Variants in KLF15 observed in about 807,000 individuals in gnomAD.
KLF15 encodes Krueppel-like factor 15.
In KLF15, 4 loss-of-function variants were observed where a neutral mutation model predicts 24.6. The observed-to-expected ratio is 0.16, with a 90% CI of 0.08 to 0.37. The LOEUF is 0.37. Among genes scored for constraint, KLF15 ranks in the 10% least tolerant of loss-of-function variants. The pLI is 1.00. For synonymous variants in KLF15, 246 were observed against 236.3 expected (o/e 1.04, Z -0.37); for missense variants, 496 against 560.6 (o/e 0.88, Z 1.16).
At chr3:126,320,231 G>A in the KLF15 span, among the ~76,000 whole-genome samples, 1 of 152,200 alleles carries the variant, frequency 6.6e-6, no homozygotes, top group Non-Finnish European at 1.5e-5. Context: ...ATGATTGGTG[G>A]CTGCCCTGCA....
At chr3:126,334,939 C>G in the KLF15 span, among the ~76,000 whole-genome samples, 2 of 108,390 alleles carry the variant, frequency 1.8e-5, no homozygotes, top group Non-Finnish European at 3.6e-5. Flanking sequence ...CAATAGTTTA[C>G]CAACCAAAAA....
the KLF15 span, among the ~76,000 whole-genome samples, chr3:126,301,583 C>G: frequency 6.6e-6 from 1 of 150,800 alleles, no homozygotes; most frequent in Admixed American, 6.6e-5. Flanking sequence ...ATCTTTATTA[C>G]TTCTGCTTTC....
chr3:126,307,881 G>T, the KLF15 span, among the ~76,000 whole-genome samples: 6 of 152,076 alleles, frequency 3.9e-5, no homozygotes, highest in Non-Finnish European at 7.4e-5. Flanking sequence ...CAGGCCACCC[G>T]AACTCCAGAC....
chr3:126,349,420 A>C (rs978648080), intron 2 of KLF15, among the ~76,000 whole-genome samples: 2 of 152,156 alleles, frequency 1.3e-5, no homozygotes, highest in Non-Finnish European at 2.9e-5. Flanking sequence ...TCTCTTGCCA[A>C]GTGGGTCCTG....
chr3:126,354,450 C>A (rs1560042545), intron 1 of KLF15, among the ~76,000 whole-genome samples: 2 of 152,166 alleles, frequency 1.3e-5, no homozygotes, highest in African/African-American at 4.8e-5. Context: ...CCTTGCTCCC[C>A]TTCCCAAACC....
the KLF15 span, among the ~76,000 whole-genome samples, chr3:126,326,146 CTCTGT>C: frequency 1.1e-5 from 1 of 90,008 alleles, no homozygotes; most frequent in Non-Finnish European, 2.2e-5. Flanking sequence ...TTTCTGAGGG[CTCTGT>C]TCTGTTCCAT....
the KLF15 span, among the ~76,000 whole-genome samples, chr3:126,312,687 T>A: frequency 1.3e-5 from 2 of 152,272 alleles, no homozygotes; most frequent in South Asian, 2.1e-4. Flanking sequence ...ACAGCATCTG[T>A]GAGTTTTCCA....
chr3:126,322,552 CCTTAA>C, the KLF15 span, among the ~76,000 whole-genome samples: 5 of 152,344 alleles, frequency 3.3e-5, no homozygotes, highest in African/African-American at 1.2e-4. Flanking sequence ...ATCTCCAGAC[CCTTAA>C]CTTAATCACA....
At chr3:126,334,238 C>A in the KLF15 span, among the ~76,000 whole-genome samples, 5 of 151,720 alleles carry the variant, frequency 3.3e-5, no homozygotes, top group Non-Finnish European at 5.9e-5. Context: ...GACCACAGTG[C>A]GATCAAACTA....
the KLF15 span, among the ~76,000 whole-genome samples, chr3:126,315,989 T>G: frequency 6.6e-6 from 1 of 152,202 alleles, no homozygotes. Flanking sequence ...GAACAGGGGT[T>G]GGCAAGCCGC....
At chr3:126,313,369 C>A in the KLF15 span, among the ~76,000 whole-genome samples, 2 of 152,214 alleles carry the variant, frequency 1.3e-5, no homozygotes, top group African/African-American at 4.8e-5. Context: ...TGTTACGCAG[C>A]CTCAGCTGAC....
chr3:126,352,061 C>A lies in KLF15; in HGVS notation c.862G>T (p.Ala288Ser), dbSNP rs746814532. ...FVRIAPVPIAAKPVGSGPLGP... is the reference protein window; with the variant it reads ...FVRIAPVPIASKPVGSGPLGP... ...AGGGGTCCCGATCCAACAGGCTTGG[C>A]GGCAATGGGCACAGGGGCAATGCGC... Residue 288 changes from alanine to serine, a missense_variant, in exon 2 of 3, where the codon GCC becomes TCC. By Grantham distance (99) the Ala-to-Ser change is moderately conservative (BLOSUM62 1). Coordinates refer to ENST00000296233, the MANE Select transcript of KLF15 (RefSeq NM_014079.4). 3 of 1,529,846 alleles carry A rather than the reference C, an allele frequency of 2.0e-6. No homozygotes were observed. Among genetic ancestry groups the A allele is most frequent in the African/African-American group, 2.7e-5 (2 of 72,898 alleles). 94.8% of individuals were successfully genotyped at this position (1,529,846 alleles called of 1,614,324 possible).
At chr3:126,304,138 A>G in the KLF15 span, among the ~76,000 whole-genome samples, 1 of 152,166 alleles carries the variant, frequency 6.6e-6, no homozygotes, top group Non-Finnish European at 1.5e-5. Context: ...GGTACCAGAC[A>G]TTGTGAATTT....
chr3:126,303,110 C>T, the KLF15 span, among the ~76,000 whole-genome samples: 14 of 152,056 alleles, frequency 9.2e-5, no homozygotes, highest in African/African-American at 3.4e-4. Context: ...TATTATGCCC[C>T]TTTATTTACA....
chr3:126,328,594 C>G, the KLF15 span, among the ~76,000 whole-genome samples: 2 of 152,146 alleles, frequency 1.3e-5, no homozygotes, highest in Admixed American at 6.5e-5. Context: ...CCAACATCTA[C>G]TGTTTTTTGA....
chr3:126,307,002 GC>G, the KLF15 span, among the ~76,000 whole-genome samples: 975 of 152,200 alleles, frequency 6.4e-3, 26 homozygotes, highest in East Asian at 0.069. Flanking sequence ...ACACCCTCAG[GC>G]CCCCCATACT....
chr3:126,344,794 T>A (rs1462215020), intron 2 of KLF15, among the ~76,000 whole-genome samples: 1 of 152,198 alleles, frequency 6.6e-6, no homozygotes, highest in Non-Finnish European at 1.5e-5. Context: ...AAATAAAGAT[T>A]GACCCTGCAA....
chr3:126,300,321 G>T, the KLF15 span, among the ~76,000 whole-genome samples: 1 of 152,144 alleles, frequency 6.6e-6, no homozygotes, highest in Non-Finnish European at 1.5e-5. Flanking sequence ...ATAACAACTG[G>T]ACCCCACCAC....
At chr3:126,298,261 T>C in the KLF15 span, among the ~76,000 whole-genome samples, 4,926 of 151,902 alleles carry the variant, frequency 0.032, 219 homozygotes, top group African/African-American at 0.1. Context: ...TTGCAAATTT[T>C]CTATTCATGT....
Sources: gnomAD v4.1 joint callset for allele counts (sites outside exome capture counted in the v4.1 genomes callset) on GRCh38, gnomAD v4.1.1 for gene constraint, MANE v1.5 for transcripts, NCBI Gene and HGNC (gene_info 2026-07-23, HGNC 2026-07-21) for gene names.